The following ZCCHC2 variants were observed in gnomAD, a reference collection of about 807,000 sequenced individuals.
The protein encoded by ZCCHC2 is zinc finger CCHC domain-containing protein 2.
Under a neutral mutation model 103.6 loss-of-function variants are expected in ZCCHC2, and 39 were observed. The observed-to-expected ratio is 0.38, with a 90% CI of 0.29 to 0.49. The LOEUF (loss-of-function observed/expected upper bound fraction) is 0.49, where lower values mean the gene tolerates loss of function less well. Ranked by LOEUF, ZCCHC2 falls within the 20% of genes least tolerant of loss-of-function variation. The pLI, the probability that ZCCHC2 is intolerant of heterozygous loss-of-function variation, is 0.96. For synonymous variants in ZCCHC2, 687 were observed against 608.9 expected, an observed-to-expected ratio of 1.13 and a Z score of -1.89; for missense variants, 1,483 against 1,491.0, an observed-to-expected ratio of 0.99 and a Z score of 0.09.
At chr18:62,524,473 C>T in intron 1 of ZCCHC2, 110 bp downstream of exon 1, 1 of 1,387,190 alleles carries the variant, frequency 7.2e-7, no homozygotes. Flanking sequence ...GCGCAGGTGG[C>T]TCGGAATCCC....
At position 62,574,902 on chromosome 18, in the gene ZCCHC2, A is replaced by G. The variant is rs35643152; in HGVS notation, c.2821A>G (p.Thr941Ala). Reference sequence around the variant, plus strand: ...CTCCAGTGTGCTCAGCACAGCAGCAACTTCTCCCCAGCCAGCGAGCGCAGG... The same window carrying G: ...CTCCAGTGTGCTCAGCACAGCAGCAGCTTCTCCCCAGCCAGCGAGCGCAGG... ...QNSSVLSTAA[T>A]SPQPASAGIS... Residue 941 changes from threonine (T) to alanine (A), a missense_variant, in exon 13 of 14, where the codon ACT becomes GCT. Physicochemically the swap from Thr to Ala is moderately conservative, Grantham distance 58 (BLOSUM62 0). Around this residue, in one of 3 missense-constraint regions of ZCCHC2, gnomAD observed 884 missense variants for 907.5 expected, o/e 0.97. Coordinates refer to ENST00000269499, the MANE Select transcript of ZCCHC2 (RefSeq NM_017742.6). 3,120 of 1,613,682 alleles carry G rather than the reference A, an allele frequency of 1.9e-3. 50 individuals carry two copies. In the African/African-American group the frequency reaches 0.034, roughly 18 times the overall value.
At chr18:62,528,715 CTT>C (rs1400500831) in intron 1 of ZCCHC2, among the ~76,000 whole-genome samples, 1 of 152,104 alleles carries the variant, frequency 6.6e-6, no homozygotes, top group Admixed American at 6.6e-5. Context: ...TGGAAGAAAA[CTT>C]TTAAAAGAGT....
chr18:62,569,533 C>G (rs1222423567), intron 11 of ZCCHC2, among the ~76,000 whole-genome samples: 3 of 151,688 alleles, frequency 2.0e-5, no homozygotes, highest in African/African-American at 7.3e-5. Flanking sequence ...TATCTCTTGT[C>G]CAATACTAGA....
At position 62,550,510 on chromosome 18, in the gene ZCCHC2, G is replaced by A. The variant is rs766833058; in HGVS notation, c.1313+50G>A. On this transcript the variant is annotated intron_variant, in intron 5 of 13. Transcript: ENST00000269499. ...ATAGCAGCATACACACAGGACAAAG[G>A]GCCGCTCCAAATGGGGTCTTCAGGT... The A allele has an allele frequency of 7.1e-6, 10 of 1,414,734 alleles. No homozygotes were observed. The South Asian group carries it at 1.1e-4, about 16-fold the overall frequency. 87.6% of individuals were successfully genotyped at this position (1,414,734 alleles called of 1,614,324 possible).
chr18:62,563,187 G>A, intron 9 of ZCCHC2, 43 bp downstream of exon 9: 1 of 1,572,712 alleles, frequency 6.4e-7, no homozygotes, highest in Non-Finnish European at 8.7e-7. Context: ...TTAAAGCATT[G>A]CTCCTCTATA....
intron 1 of ZCCHC2, 186 bp downstream of exon 1, chr18:62,524,549 C>A: frequency 1.2e-6 from 1 of 857,478 alleles, no homozygotes; most frequent in African/African-American, 1.8e-5. Flanking sequence ...TTCCACTCCC[C>A]CACCCCACCC....
At chr18:62,560,489 C>T in intron 7 of ZCCHC2, 98 bp from the exon 8 acceptor site, 1 of 919,226 alleles carries the variant, frequency 1.1e-6, no homozygotes, top group Non-Finnish European at 1.7e-6. Flanking sequence ...TTCATACCAT[C>T]TGTCACCAGT....
At position 62,524,122 on chromosome 18, in the gene ZCCHC2, A is replaced by G; in HGVS notation, c.698A>G (p.Lys233Arg). Reference sequence around the variant, plus strand: ...GGCGACGGCGAGCAGGACGCCGAGAAGGACGGCTCAGGCCCGGAAGGCGGC... The same window carrying G: ...GGCGACGGCGAGCAGGACGCCGAGAGGGACGGCTCAGGCCCGGAAGGCGGC... ...EDGDGEQDAE[K>R]DGSGPEGGIV... Residue 233 changes from lysine (K) to arginine (R), a missense_variant, in exon 1 of 14, where the codon AAG becomes AGG. This residue lies in a region of ZCCHC2 where 568 missense variants were observed against 525.1 expected (regional missense o/e 1.08). Coordinates refer to ENST00000269499, the MANE Select transcript of ZCCHC2 (RefSeq NM_017742.6). 1 of 1,529,980 alleles carries G rather than the reference A, an allele frequency of 6.5e-7. No individual in the cohort carries two copies. Among genetic ancestry groups the G allele is most frequent in the Non-Finnish European group, 8.8e-7 (1 of 1,141,736 alleles). 94.8% of individuals were successfully genotyped at this position (1,529,980 alleles called of 1,614,324 possible).
At chr18:62,550,556 TTC>T in intron 5 of ZCCHC2, 96 bp downstream of exon 5, 1 of 826,646 alleles carries the variant, frequency 1.2e-6, no homozygotes, top group African/African-American at 1.7e-5. Context: ...TAGAGATCCT[TTC>T]TCTGGCGTAC....
rs760718338 is a variant in ZCCHC2 at position 62,576,583 on chromosome 18, G to A, written c.*4G>A. The stretch of plus-strand genomic sequence containing the variant: ...TACGTTGGATTCTGCAGACTGAAAC[G>A]AGTAAAGCTTGCCTACTTAATACAC... On this transcript the variant is annotated 3_prime_UTR_variant, in exon 14 of 14. Coordinates refer to ENST00000269499, the MANE Select transcript of ZCCHC2 (RefSeq NM_017742.6). The A allele has an allele frequency of 1.5e-5, 25 of 1,612,920 alleles. No homozygotes were observed. The highest frequency in any genetic ancestry group is 1.6e-4 in the Middle Eastern group (1 of 6,084).
intron 4 of ZCCHC2, among the ~76,000 whole-genome samples, chr18:62,548,536 TA>T (rs1915518352): frequency 6.6e-6 from 1 of 152,210 alleles, no homozygotes; most frequent in Non-Finnish European, 1.5e-5. Flanking sequence ...AAATTGTGTT[TA>T]AAATGGGTAG....
chr18:62,531,791 T>TAA (rs11315078), intron 1 of ZCCHC2, among the ~76,000 whole-genome samples: 17 of 113,470 alleles, frequency 1.5e-4, no homozygotes, highest in African/African-American at 4.4e-4. Flanking sequence ...CTACAAAAAG[T>TAA]AAAAAAAAAA....
downstream of ZCCHC2, among the ~76,000 whole-genome samples, chr18:62,583,362 T>A (rs1917085545): frequency 6.6e-6 from 1 of 152,148 alleles, no homozygotes; most frequent in Non-Finnish European, 1.5e-5. Flanking sequence ...GATTATTCAG[T>A]ACCAAAGTAA....
At chr18:62,557,336 C>T (rs1915932011) in intron 6 of ZCCHC2, among the ~76,000 whole-genome samples, 1 of 152,176 alleles carries the variant, frequency 6.6e-6, no homozygotes, top group Non-Finnish European at 1.5e-5. Flanking sequence ...TGTCCCTCTG[C>T]TCTCAAGAGA....
In ZCCHC2 at chr18:62,576,666, T is replaced by G; in HGVS notation, c.*87T>G. 7.8e-7 allele frequency: 1 copy of G among 1,287,184 alleles called. No homozygotes were observed. Among genetic ancestry groups the G allele is most frequent in the South Asian group, 1.3e-5 (1 of 77,136 alleles). 79.7% of individuals were successfully genotyped at this position (1,287,184 alleles called of 1,614,324 possible). On this transcript the variant is annotated 3_prime_UTR_variant, in exon 14 of 14. Transcript: ENST00000269499. ...AGGAAAGGAAAGGTATTTTGTTTCT[T>G]TGTCTATACATTTCCTAGATTTCTA... is the stretch of plus-strand genomic sequence containing the variant.
At chr18:62,562,894 A>G in intron 8 of ZCCHC2, 115 bp from the exon 9 acceptor site, 14 of 1,197,506 alleles carry the variant, frequency 1.2e-5, no homozygotes, top group Non-Finnish European at 1.6e-5. Flanking sequence ...ATCATTAGGC[A>G]TTCCTTGAAG....
chr18:62,558,678 T>C lies in ZCCHC2; in HGVS notation c.1409-9T>C, dbSNP rs1370247849. On this transcript the variant is annotated splice_polypyrimidine_tract_variant and intron_variant, in intron 6 of 13. Coordinates refer to ENST00000269499, the MANE Select transcript of ZCCHC2 (RefSeq NM_017742.6). ...CTAAAAAGTTAATAGTATTGAATGC[T>C]TCCTGCAGATAACTTACAATCCTCT... 11 of 1,483,370 alleles carry C rather than the reference T, an allele frequency of 7.4e-6. No individual in the cohort carries two copies. The highest frequency in any genetic ancestry group is 9.9e-6 in the Non-Finnish European group (11 of 1,107,320). The allele number at this position is 1,483,370 out of a possible 1,614,324, so 91.9% of individuals were successfully genotyped here.
In ZCCHC2 at chr18:62,538,522, C is replaced by T. The variant is rs181251729; in HGVS notation, c.940-1159C>T. On this transcript the variant is annotated intron_variant, in intron 1 of 13. Transcript: ENST00000269499. ...ATATCTGCATTTTTAAAAAACCAGTCGCATTGAAAATTGGTAAAGGCTATC... is the reference window on the plus strand; with the variant it reads ...ATATCTGCATTTTTAAAAAACCAGTTGCATTGAAAATTGGTAAAGGCTATC... Among the ~76,000 whole-genome samples the T allele has an allele frequency of 4.0e-3, 604 of 152,070 alleles. 4 individuals are homozygous for T. The highest frequency in any genetic ancestry group is 5.0e-3 in the Non-Finnish European group (341 of 68,002).
At chr18:62,583,504 T>TA (rs1051290949), downstream of ZCCHC2, among the ~76,000 whole-genome samples, 4 of 152,154 alleles carry the variant, frequency 2.6e-5, no homozygotes, top group African/African-American at 9.7e-5. Context: ...ACCTAGTACT[T>TA]AACAGCACCA....
Sources: allele counts gnomAD v4.1 joint callset (sites outside exome capture counted in the v4.1 genomes callset), GRCh38; gene constraint gnomAD v4.1.1; regional missense constraint gnomAD v4.1.1; transcripts MANE v1.5; gene names NCBI Gene and HGNC (gene_info 2026-07-23, HGNC 2026-07-21).